MLF1: variants seen among roughly 807,000 people sequenced by gnomAD.
The protein encoded by MLF1 is myelodysplasia-myeloid leukemia factor 1.
In MLF1, 37 loss-of-function variants were observed where a neutral mutation model predicts 38.3. The ratio of observed to expected loss-of-function variants is 0.96; its 90% CI spans 0.74 to 1.27. MLF1 has a LOEUF of 1.27. Ranked by LOEUF, MLF1 falls within the 50% of genes most tolerant of loss-of-function variation. MLF1 has a pLI of 0.00. For synonymous variants in MLF1, 95 were observed against 106.5 expected, an observed-to-expected ratio of 0.89 and a Z score of 0.66; for missense variants, 331 against 349.2, an observed-to-expected ratio of 0.95 and a Z score of 0.42.
chr3:158,583,722 ATTAATTTATTTTATT>A (rs1560100123), intron 1 of MLF1, among the ~76,000 whole-genome samples: 1 of 152,198 alleles, frequency 6.6e-6, no homozygotes, highest in Non-Finnish European at 1.5e-5. Context: ...CCTGACATTC[ATTAATTTATTTTATT>A]CTAAATATAT....
chr3:158,576,979 T>C (rs1180728975), intron 1 of MLF1, among the ~76,000 whole-genome samples: 1 of 152,194 alleles, frequency 6.6e-6, no homozygotes. Flanking sequence ...CCAACCTTAA[T>C]TTTTAATCAT....
chr3:158,591,034 TG>T (rs1419692414), intron 1 of MLF1: 2 of 457,444 alleles, frequency 4.4e-6, no homozygotes, highest in African/African-American at 4.0e-5. Flanking sequence ...AATAGGTTTA[TG>T]TATACAAATA....
chr3:158,592,452 C>G lies in MLF1; in HGVS notation c.66C>G (p.His22Gln), dbSNP rs774337007. 1.2e-6 allele frequency: 2 copies of G among 1,607,896 alleles called. No homozygotes were observed. Among genetic ancestry groups the G allele is most frequent in the Non-Finnish European group, 1.7e-6 (2 of 1,177,984 alleles). The change falls in exon 2 of 8, where the codon CAC becomes CAG. Residue 22 changes from histidine to glutamine, a missense_variant. By Grantham distance (24) the His-to-Gln change is conservative. Transcript: ENST00000466246. ...TCAACAGTGAGTCCATTCTTGCACA[C>G]CGAGAAAATATGCGACAGATGATAA... is the stretch of plus-strand genomic sequence containing the variant. ...DPFFSESILA[H>Q]RENMRQMIRS...
rs141212572 is a variant in MLF1, at chr3:158,592,453, C to T, written c.67C>T (p.Arg23Ter). The T allele has an allele frequency of 3.3e-5, 53 of 1,606,506 alleles. No homozygotes were observed. In the Admixed American group the frequency reaches 4.9e-4, roughly 15 times the overall value. ...PFFSESILAH[R>*]ENMRQMIRSF... ...CAACAGTGAGTCCATTCTTGCACAC[C>T]GAGAAAATATGCGACAGATGATAAG... Residue 23 changes from arginine (R) to a stop codon, truncating the protein, a stop_gained, in exon 2 of 8, where the codon CGA becomes TGA. Transcript: ENST00000466246. LOFTEE classifies it high-confidence loss of function.
In MLF1 at chr3:158,606,112, G is replaced by A. The variant is rs1280710251; in HGVS notation, c.*910G>A. On this transcript the variant is annotated 3_prime_UTR_variant, in exon 8 of 8. Coordinates refer to ENST00000466246, the MANE Select transcript of MLF1 (RefSeq NM_001369783.1). Reference sequence around the variant, plus strand: ...CAGCTGATGGGTGTTTTTGAGCAACGTCTTAATAATTCAGTTGTTTCTGTT... The same window carrying A: ...CAGCTGATGGGTGTTTTTGAGCAACATCTTAATAATTCAGTTGTTTCTGTT... 26 of 180,304 alleles carry A rather than the reference G, an allele frequency of 1.4e-4. No individual in the cohort carries two copies. Among genetic ancestry groups the A allele is most frequent in the Non-Finnish European group, 8.3e-5 (7 of 84,386 alleles). 11.2% of individuals were successfully genotyped at this position (180,304 alleles called of 1,614,324 possible).
At chr3:158,577,017 T>A (rs565932278) in intron 1 of MLF1, among the ~76,000 whole-genome samples, 1 of 152,298 alleles carries the variant, frequency 6.6e-6, no homozygotes, top group Non-Finnish European at 1.5e-5. Flanking sequence ...TCTTTAAGCC[T>A]CTCAGCTCTC....
intron 1 of MLF1, chr3:158,590,981 T>A: frequency 2.4e-6 from 1 of 416,316 alleles, no homozygotes; most frequent in Non-Finnish European, 4.7e-6. Flanking sequence ...TATGCTTTTT[T>A]TAACCTCCAA....
chr3:158,605,209 A>G lies in MLF1; in HGVS notation c.*7A>G, dbSNP rs751660329. 11 of 1,601,502 alleles carry G rather than the reference A, an allele frequency of 6.9e-6. No homozygotes were observed. The highest frequency in any genetic ancestry group is 1.3e-5 in the African/African-American group (1 of 74,794). ...GAAAAGCAACAAAAAATAAATAGCC[A>G]TGCATTTGATTTGTTTAGTTTTGAT... On this transcript the variant is annotated 3_prime_UTR_variant, in exon 8 of 8. Transcript: ENST00000466246.
chr3:158,604,248 G>C (rs775275772), intron 7 of MLF1, among the ~76,000 whole-genome samples: 2 of 152,184 alleles, frequency 1.3e-5, no homozygotes, highest in Non-Finnish European at 2.9e-5. Context: ...AAACCTGGCA[G>C]TGCCAAGTTT....
chr3:158,605,628 G>T lies in MLF1; in HGVS notation c.*426G>T, dbSNP rs955193247. 5.4e-6 allele frequency: 1 copy of T among 186,184 alleles called. No homozygotes were observed. Among genetic ancestry groups the T allele is most frequent in the Admixed American group, 6.2e-5 (1 of 16,084 alleles). The allele number at this position is 186,184 out of a possible 1,614,324, so 11.5% of individuals were successfully genotyped here. A position where few individuals can be genotyped will look rare whatever the true frequency, so the allele number is the denominator to read the frequency against. On this transcript the variant is annotated 3_prime_UTR_variant, in exon 8 of 8. Transcript: ENST00000466246. ...ACTGTACTAGGGTGATATTAATAAA[G>T]GTTTAAATAATTTATCTCTAATTTT...
In MLF1 at chr3:158,605,473, G is replaced by A. The variant is rs906465451; in HGVS notation, c.*271G>A. On this transcript the variant is annotated 3_prime_UTR_variant, in exon 8 of 8. Coordinates refer to ENST00000466246, the MANE Select transcript of MLF1 (RefSeq NM_001369783.1). ...TTTTTAAAGCTTATATGCTTATTTC[G>A]CTTCCCCAGTTGTTTTTGTGTTGGC... 3.7e-5 allele frequency: 10 copies of A among 269,592 alleles called. No homozygotes were observed. The highest frequency in any genetic ancestry group is 1.5e-4 in the Admixed American group (3 of 20,054). The allele number at this position is 269,592 out of a possible 1,614,324, so 16.7% of individuals were successfully genotyped here. A position where few individuals can be genotyped will look rare whatever the true frequency, so the allele number is the denominator to read the frequency against.
intron 1 of MLF1, among the ~76,000 whole-genome samples, chr3:158,585,037 GAAAAA>G (rs59014137): frequency 1.1e-5 from 1 of 88,858 alleles, no homozygotes; most frequent in Admixed American, 1.3e-4. Context: ...GACTCTGTCT[GAAAAA>G]AAAAAAAAAA....
chr3:158,572,086 G>A (rs1314088994), intron 1 of MLF1, among the ~76,000 whole-genome samples: 1 of 117,788 alleles, frequency 8.5e-6, no homozygotes, highest in African/African-American at 3.4e-5. Context: ...AGGGCGTGAG[G>A]TGGGGGGAGG....
At chr3:158,590,827 T>C (rs774526507) in intron 1 of MLF1, 12 of 450,332 alleles carry the variant, frequency 2.7e-5, no homozygotes, top group Non-Finnish European at 2.2e-5. Context: ...CTTTTTAAAA[T>C]TCATCAAACT....
At chr3:158,577,770 A>G (rs1487470150) in intron 1 of MLF1, among the ~76,000 whole-genome samples, 1 of 152,178 alleles carries the variant, frequency 6.6e-6, no homozygotes, top group East Asian at 1.9e-4. Context: ...TGGGTCAAAA[A>G]TGCCATACAG....
rs918758610 is a variant in MLF1 at position 158,606,202 on chromosome 3, T to C, written c.*1000T>C. 5.7e-6 allele frequency: 1 copy of C among 176,944 alleles called. No individual in the cohort carries two copies. Among genetic ancestry groups the C allele is most frequent in the African/African-American group, 2.4e-5 (1 of 42,250 alleles). 11.0% of individuals were successfully genotyped at this position (176,944 alleles called of 1,614,324 possible). On this transcript the variant is annotated 3_prime_UTR_variant, in exon 8 of 8. Coordinates refer to ENST00000466246, the MANE Select transcript of MLF1 (RefSeq NM_001369783.1). ...CTAGAATTTAAGCATCAGTCTGTTC[T>C]TATAAAAGTTAGGTTTGAAGTTTAT... is the stretch of plus-strand genomic sequence containing the variant.
chr3:158,578,837 G>A (rs1309083981), intron 1 of MLF1, among the ~76,000 whole-genome samples: 1 of 152,134 alleles, frequency 6.6e-6, no homozygotes, highest in Non-Finnish European at 1.5e-5. Flanking sequence ...TTTGGTAGCA[G>A]AAATAATACA....
intron 2 of MLF1, among the ~76,000 whole-genome samples, 193 bp downstream of exon 2, chr3:158,592,774 T>C (rs909301050): frequency 6.6e-6 from 1 of 152,180 alleles, no homozygotes; most frequent in African/African-American, 2.4e-5. Flanking sequence ...GGAATTTCAC[T>C]GTGCTACCAA....
At chr3:158,597,536 A>G (rs2108636683) in intron 4 of MLF1, among the ~76,000 whole-genome samples, 1 of 152,216 alleles carries the variant, frequency 6.6e-6, no homozygotes, top group East Asian at 1.9e-4. Flanking sequence ...TTTGATCTGA[A>G]GAAGACCCAT....
Sources: allele counts gnomAD v4.1 joint callset (sites outside exome capture counted in the v4.1 genomes callset), GRCh38; gene constraint gnomAD v4.1.1; transcripts MANE v1.5; gene names NCBI Gene and HGNC (gene_info 2026-07-23, HGNC 2026-07-21).